Variants in TYW1B observed in about 807,000 individuals in gnomAD.
The protein encoded by TYW1B is S-adenosyl-L-methionine-dependent tRNA 4-demethylwyosine synthase TYW1B.
In TYW1B, 73 loss-of-function variants were observed where a neutral mutation model predicts 86.9. That is an observed-to-expected ratio of 0.84 (90% CI 0.70 to 1.02). TYW1B has a LOEUF of 1.02. Among genes scored for constraint, TYW1B ranks in the 50% least tolerant of loss-of-function variants. The pLI, the probability that TYW1B is intolerant of heterozygous loss-of-function variation, is 0.00. For synonymous variants in TYW1B, 248 were observed against 292.8 expected, an observed-to-expected ratio of 0.85 and a Z score of 1.56; for missense variants, 637 against 827.4, an observed-to-expected ratio of 0.77 and a Z score of 2.82.
intron 11 of TYW1B, among the ~76,000 whole-genome samples, chr7:72,634,092 G>C (rs1488923666): frequency 1.3e-5 from 2 of 152,006 alleles, no homozygotes; most frequent in Admixed American, 1.3e-4. Flanking sequence ...ACTAGCGAAC[G>C]ATTTTAACCC....
In TYW1B at chr7:72,730,380, T is replaced by C. The variant is rs1253058820; in HGVS notation, c.1083-1449A>G. On this transcript the variant is annotated intron_variant, in intron 8 of 13. Transcript: ENST00000620995. ...AAATGAGAAATTCAACAGAGATAGA[T>C]ATCACAAAAAAGAGCCAAACAGAAA... 1.3e-4 allele frequency among the ~76,000 whole-genome samples: 19 copies of C among 149,352 alleles called. No individual in the cohort carries two copies. In the Admixed American group the frequency reaches 1.3e-3, roughly 10 times the overall value.
intron 8 of TYW1B, among the ~76,000 whole-genome samples, chr7:72,730,385 C>A: frequency 6.7e-6 from 1 of 148,742 alleles, no homozygotes; most frequent in East Asian, 2.0e-4. Flanking sequence ...ATAGATATCA[C>A]AAAAAAGAGC....
chr7:72,814,312 C>T (rs1484269270), intron 3 of TYW1B, among the ~76,000 whole-genome samples: 2 of 152,040 alleles, frequency 1.3e-5, no homozygotes, highest in Admixed American at 6.6e-5. Flanking sequence ...TGGCCGGGCA[C>T]GGTGGCTCAT....
chr7:72,739,334 A>G (rs12698438), intron 8 of TYW1B, among the ~76,000 whole-genome samples: 9,510 of 152,006 alleles, frequency 0.063, 608 homozygotes, highest in East Asian at 0.34. Context: ...GGTCAGGCGC[A>G]GTGGCTCACT....
At chr7:72,689,101 G>A (rs1814078464) in intron 11 of TYW1B, among the ~76,000 whole-genome samples, 1 of 152,124 alleles carries the variant, frequency 6.6e-6, no homozygotes, top group South Asian at 2.1e-4. Flanking sequence ...TCAAAAAAGT[G>A]GTAGGAAACA....
At chr7:72,787,160 T>C (rs140162113) in intron 6 of TYW1B, among the ~76,000 whole-genome samples, 61 of 151,864 alleles carry the variant, frequency 4.0e-4, no homozygotes, top group African/African-American at 1.4e-3. Context: ...TCTAAGAAAA[T>C]GTATAAGCAA....
intron 12 of TYW1B, 76 bp downstream of exon 12, chr7:72,628,811 T>C: frequency 8.1e-7 from 1 of 1,230,774 alleles, no homozygotes; most frequent in Non-Finnish European, 1.1e-6. Context: ...TACAAGGTTT[T>C]AACTCCACGA....
At chr7:72,624,254 A>C (rs1554438420) in intron 12 of TYW1B, among the ~76,000 whole-genome samples, 1 of 152,204 alleles carries the variant, frequency 6.6e-6, no homozygotes, top group Non-Finnish European at 1.5e-5. Flanking sequence ...TTGTCTTTTG[A>C]ATTACAAACC....
At chr7:72,776,419 A>G (rs1463523862) in intron 7 of TYW1B, among the ~76,000 whole-genome samples, 2 of 151,804 alleles carry the variant, frequency 1.3e-5, no homozygotes, top group Non-Finnish European at 2.9e-5. Context: ...AAATTAGCTG[A>G]GCATGGTGAC....
chr7:72,816,287 A>G (rs1311503926), intron 2 of TYW1B, among the ~76,000 whole-genome samples: 1 of 152,074 alleles, frequency 6.6e-6, no homozygotes, highest in African/African-American at 2.4e-5. Flanking sequence ...GAGGCAGGAG[A>G]ATCACTTGAA....
At chr7:72,790,711 C>G (rs3960667) in intron 6 of TYW1B, among the ~76,000 whole-genome samples, 1 of 152,178 alleles carries the variant, frequency 6.6e-6, no homozygotes, top group Non-Finnish European at 1.5e-5. Context: ...TTCCTTTTCC[C>G]CTGAAGAATC....
intron 10 of TYW1B, among the ~76,000 whole-genome samples, chr7:72,702,547 C>T (rs1427383959): frequency 1.3e-5 from 2 of 151,844 alleles, no homozygotes; most frequent in African/African-American, 4.8e-5. Context: ...GCCACCACAC[C>T]CGGCTAATTT....
At chr7:72,811,405 G>C (rs1554478208) in intron 3 of TYW1B, among the ~76,000 whole-genome samples, 2 of 151,968 alleles carry the variant, frequency 1.3e-5, no homozygotes, top group African/African-American at 4.8e-5. Context: ...AACCTGAAGA[G>C]AAAACAACAG....
chr7:72,708,069 T>C (rs1554453994), intron 10 of TYW1B, among the ~76,000 whole-genome samples: 1 of 152,166 alleles, frequency 6.6e-6, no homozygotes, highest in Non-Finnish European at 1.5e-5. Context: ...TCTGACCCAA[T>C]TAAACCTCTT....
intron 8 of TYW1B, among the ~76,000 whole-genome samples, chr7:72,740,733 CTTT>C (rs71071910): frequency 3.6e-5 from 5 of 137,368 alleles, no homozygotes; most frequent in Admixed American, 7.4e-5. Context: ...ATGCAGTTTT[CTTT>C]TTTTTTTTTT....
At chr7:72,640,274 C>T (rs1316690482) in intron 11 of TYW1B, among the ~76,000 whole-genome samples, 1 of 151,824 alleles carries the variant, frequency 6.6e-6, no homozygotes, top group African/African-American at 2.4e-5. Flanking sequence ...CAGATAAACA[C>T]TCAAAAAGAT....
chr7:72,640,604 T>G (rs1812779871), intron 11 of TYW1B, among the ~76,000 whole-genome samples: 1 of 151,706 alleles, frequency 6.6e-6, no homozygotes, highest in Non-Finnish European at 1.5e-5. Flanking sequence ...AAAAGGCCGA[T>G]TCACCAAAAA....
At chr7:72,702,346 G>A (rs782292008) in intron 10 of TYW1B, among the ~76,000 whole-genome samples, 4 of 152,116 alleles carry the variant, frequency 2.6e-5, no homozygotes, top group Non-Finnish European at 5.9e-5. Flanking sequence ...TCCCACAGCT[G>A]CCGGGCTGCT....
chr7:72,697,701 TA>T (rs1814355831), intron 10 of TYW1B, among the ~76,000 whole-genome samples: 1 of 152,032 alleles, frequency 6.6e-6, no homozygotes, highest in South Asian at 2.1e-4. Flanking sequence ...TGGGAGTAAT[TA>T]AAAAGGATAT....
Sources: gnomAD v4.1 joint callset for allele counts (sites outside exome capture counted in the v4.1 genomes callset) on GRCh38, gnomAD v4.1.1 for gene constraint, MANE v1.5 for transcripts, NCBI Gene and HGNC (gene_info 2026-07-23, HGNC 2026-07-21) for gene names.